Variants in COL4A5 observed in about 807,000 individuals in gnomAD.
COL4A5 encodes collagen type IV alpha 5 chain.
Under a neutral mutation model 130.2 loss-of-function variants are expected in COL4A5, and 26 were observed. That is an observed-to-expected ratio of 0.20 (90% CI 0.15 to 0.28). COL4A5 has a LOEUF of 0.28. Ranked by LOEUF, COL4A5 falls within the 10% of genes least tolerant of loss-of-function variation. The probability of loss-of-function intolerance (pLI) is 1.00; values close to 1 mark genes in which losing one functional copy is unlikely to be tolerated. For synonymous variants in COL4A5, 496 were observed against 439.6 expected (o/e 1.13, Z -1.60); for missense variants, 1,131 against 1,344.3 (o/e 0.84, Z 2.48).
At chrX:108,452,185 T>G (rs1452224252) in intron 1 of COL4A5, among the ~76,000 whole-genome samples, 4 of 111,944 alleles carry the variant, frequency 3.6e-5, no homozygotes, top group African/African-American at 6.5e-5. Context: ...TTGATCTATA[T>G]CTCTGTTTTG....
intron 1 of COL4A5, among the ~76,000 whole-genome samples, chrX:108,529,683 A>G (rs1205664379): frequency 9.0e-6 from 1 of 111,328 alleles, no homozygotes; most frequent in East Asian, 2.8e-4. Flanking sequence ...GTAAAGACAC[A>G]TATAGACTGA....
chrX:108,603,456 GTAGTCTT>G (rs1318234420), intron 28 of COL4A5, among the ~76,000 whole-genome samples: 1 of 111,069 alleles, frequency 9.0e-6, no homozygotes, highest in Non-Finnish European at 1.9e-5. Context: ...ACACTATACT[GTAGTCTT>G]TAAAGTGTGC....
At chrX:108,490,915 T>C (rs993632564) in intron 1 of COL4A5, among the ~76,000 whole-genome samples, 1 of 112,090 alleles carries the variant, frequency 8.9e-6, no homozygotes, top group Non-Finnish European at 1.9e-5. Context: ...GGTTTTCTGT[T>C]CCTGCATTAG....
chrX:108,510,853 T>C (rs2065173395), intron 1 of COL4A5, among the ~76,000 whole-genome samples: 1 of 105,525 alleles, frequency 9.5e-6, no homozygotes, highest in Non-Finnish European at 1.9e-5. Flanking sequence ...TAAATTTTAT[T>C]TTTTAATTGA....
chrX:108,474,223 T>C (rs2064810029), intron 1 of COL4A5, among the ~76,000 whole-genome samples: 1 of 112,005 alleles, frequency 8.9e-6, no homozygotes, highest in African/African-American at 3.2e-5. Context: ...TGTCCATTCA[T>C]GGTAAGTGCC....
At chrX:108,529,797 TAA>T (rs748133618) in intron 1 of COL4A5, among the ~76,000 whole-genome samples, 1 of 103,841 alleles carries the variant, frequency 9.6e-6, no homozygotes. Context: ...CAAGAACAGT[TAA>T]AAAAAAAAGG....
In COL4A5 at chrX:108,440,217, C is replaced by T. The variant is rs764710955; in HGVS notation, c.81+11C>T. Reference sequence around the variant, plus strand: ...CCTGCAGAGGCTGCGGTAAGTCCTTCCTCCCCTCCCCCGCGCCCATCACCG... The same window carrying T: ...CCTGCAGAGGCTGCGGTAAGTCCTTTCTCCCCTCCCCCGCGCCCATCACCG... On this transcript the variant is annotated intron_variant, in intron 1 of 52. Transcript: ENST00000328300. The T allele has an allele frequency of 8.8e-7, 1 of 1,141,579 alleles. No individual in the cohort carries two copies. The highest frequency in any genetic ancestry group is 1.2e-6 in the Non-Finnish European group (1 of 834,293). 94.1% of individuals were successfully genotyped at this position (1,141,579 alleles called of 1,213,427 possible).
At chrX:108,586,151 C>A (rs1209320157) in intron 18 of COL4A5, among the ~76,000 whole-genome samples, 1 of 108,345 alleles carries the variant, frequency 9.2e-6, no homozygotes, top group Non-Finnish European at 1.9e-5. Context: ...AATTTTGAGT[C>A]CTTAAGCAGA....
intron 1 of COL4A5, among the ~76,000 whole-genome samples, chrX:108,456,571 C>G (rs1666522900): frequency 1.8e-5 from 2 of 111,384 alleles, no homozygotes; most frequent in Non-Finnish European, 3.8e-5. Context: ...TATCTTATTG[C>G]ACTGGCTAGG....
At chrX:108,650,633 C>T (rs780301393) in intron 36 of COL4A5, among the ~76,000 whole-genome samples, 2 of 110,669 alleles carry the variant, frequency 1.8e-5, no homozygotes, top group South Asian at 3.8e-4. Context: ...TGCAGCGACC[C>T]GGATGACATT....
chrX:108,678,358 T>G (rs1485741644), intron 44 of COL4A5, among the ~76,000 whole-genome samples: 3 of 111,679 alleles, frequency 2.7e-5, no homozygotes, highest in Non-Finnish European at 5.6e-5. Context: ...GCCATCACTA[T>G]TCTTCCAGTT....
intron 19 of COL4A5, among the ~76,000 whole-genome samples, chrX:108,588,351 T>G (rs2063343221): frequency 9.0e-6 from 1 of 111,645 alleles, no homozygotes; most frequent in South Asian, 3.7e-4. Context: ...GGTTCCATTA[T>G]GCTCTAAATG....
Position 108,603,031 on chromosome X carries a change from T to C in COL4A5, c.2214T>C (p.Pro738=). 1 of 1,188,808 alleles carries C rather than the reference T, an allele frequency of 8.4e-7. No homozygotes were observed. Among genetic ancestry groups the C allele is most frequent in the Non-Finnish European group, 1.1e-6 (1 of 879,955 alleles). Reference sequence around the variant, plus strand: ...CTGGAAGAATTGGTCTAGAAGGCCCTCCTGGGCCACCCGGCTTTCCAGGAC... The same window carrying C: ...CTGGAAGAATTGGTCTAGAAGGCCCCCCTGGGCCACCCGGCTTTCCAGGAC... The part of the protein sequence containing the change: ...GTPGRIGLEG[P]PGPPGFPGPK... Residue 738 remains proline, a synonymous_variant, in exon 28 of 53, where the codon CCT becomes CCC. Transcript: ENST00000328300.
At chrX:108,666,713 C>T (rs2068087726) in intron 39 of COL4A5, 119 bp downstream of exon 39, 1 of 617,648 alleles carries the variant, frequency 1.6e-6, no homozygotes, top group Non-Finnish European at 2.6e-6. Context: ...CACACACTTT[C>T]CCCTTTTCCT....
In COL4A5 at chrX:108,566,673, C is replaced by T. The variant is rs765485763; in HGVS notation, c.277-1956C>T. Among the ~76,000 whole-genome samples, 11 of 110,654 alleles carry T rather than the reference C, an allele frequency of 9.9e-5. No individual in the cohort carries two copies. The East Asian group carries it at 3.2e-3, about 32-fold the overall frequency. ...ACGCCATTCTCCTGCCTCAGCCTCCCGAGTAGCTGGGGCTACAGGCGTCCA... is the reference window on the plus strand; with the variant it reads ...ACGCCATTCTCCTGCCTCAGCCTCCTGAGTAGCTGGGGCTACAGGCGTCCA... On this transcript the variant is annotated intron_variant, in intron 4 of 52. Coordinates refer to ENST00000328300, the MANE Select transcript of COL4A5 (RefSeq NM_033380.3).
intron 39 of COL4A5, 35 bp from the exon 40 acceptor site, chrX:108,667,098 G>A: frequency 8.4e-7 from 1 of 1,193,600 alleles, no homozygotes; most frequent in Non-Finnish European, 1.1e-6. Context: ...TTATCCACTT[G>A]AGTTTTTGTT....
At position 108,580,594 on chromosome X, in the gene COL4A5, C is replaced by A. The variant is rs201717817; in HGVS notation, c.834+8C>A. The A allele has an allele frequency of 1.0e-4, 121 of 1,205,203 alleles. No homozygotes were observed. In the African/African-American group the frequency reaches 1.8e-3, roughly 18 times the overall value. ...GGGATACGTGGTCCTCCAGTAAGTA[C>A]CTAAAGTGCTTTAGCATCATTTAAT... On this transcript the variant is annotated splice_region_variant and intron_variant, in intron 14 of 52. Transcript: ENST00000328300.
In COL4A5 at chrX:108,620,236, AATAT is replaced by A; in HGVS notation, c.2510-22_2510-19del. The A allele has an allele frequency of 8.6e-7, 1 of 1,167,600 alleles. No individual in the cohort carries two copies. The highest frequency in any genetic ancestry group is 1.2e-6 in the Non-Finnish European group (1 of 856,380). ...TTTTAAAACTGCTTCAGTACTTATT[AATAT>A]TGATATTGTATTAACTAGGTTTACA... On this transcript the variant is annotated intron_variant, in intron 30 of 52. Coordinates refer to ENST00000328300, the MANE Select transcript of COL4A5 (RefSeq NM_033380.3).
chrX:108,588,879 A>G (rs749102672), intron 19 of COL4A5, among the ~76,000 whole-genome samples: 1 of 111,675 alleles, frequency 9.0e-6, no homozygotes, highest in South Asian at 3.7e-4. Context: ...TCTGTATTAC[A>G]TTAAACTATC....
Sources: allele counts gnomAD v4.1 joint callset (sites outside exome capture counted in the v4.1 genomes callset), GRCh38; gene constraint gnomAD v4.1.1; transcripts MANE v1.5; gene names NCBI Gene and HGNC (gene_info 2026-07-23, HGNC 2026-07-21).